The following ZNF165 variants were observed in gnomAD, a reference collection of about 807,000 sequenced individuals.
ZNF165 encodes zinc finger protein 165, also known as cancer/testis antigen 53.
A neutral mutation model predicts 19.6 loss-of-function variants in ZNF165; 14 were observed. That is an observed-to-expected ratio of 0.71 (90% CI 0.47 to 1.12). The LOEUF (loss-of-function observed/expected upper bound fraction) is 1.12. ZNF165 is among the 50% of genes most tolerant of loss of function. The probability of loss-of-function intolerance (pLI) is 0.00; values close to 1 mark genes in which losing one functional copy is unlikely to be tolerated. For missense variants in ZNF165, 504 were observed against 566.3 expected, an observed-to-expected ratio of 0.89 and a Z score of 1.12; for synonymous variants, 165 against 195.0, an observed-to-expected ratio of 0.85 and a Z score of 1.28.
Position 28,088,725 on chromosome 6 carries a change from A to G in ZNF165, c.713A>G (p.Glu238Gly), listed in dbSNP as rs974643552. ...GCAGGCAGGGTAAAGAGACAATGGG[A>G]AAAAGAATCAGGGGAGTCTCAGAGA... ...KSAGRVKRQW[E>G]KESGESQRLS... Residue 238 changes from glutamate to glycine, a missense_variant, in exon 4 of 4, where the codon GAA (glutamate) becomes GGA (glycine). Coordinates refer to ENST00000683778, the MANE Select transcript of ZNF165 (RefSeq NM_001376491.1). 4 of 1,614,164 alleles carry G rather than the reference A, an allele frequency of 2.5e-6. No individual in the cohort carries two copies. The highest frequency in any genetic ancestry group is 3.4e-6 in the Non-Finnish European group (4 of 1,180,016).
intron 3 of ZNF165, 93 bp downstream of exon 3, chr6:28,086,403 C>A (rs1764277116): frequency 1.3e-6 from 2 of 1,493,800 alleles, no homozygotes; most frequent in African/African-American, 2.8e-5. Context: ...GTAGATGGTC[C>A]TTTCCTTTAT....
chr6:28,085,502 G>T lies in ZNF165; in HGVS notation c.22G>T (p.Ala8Ser). MATEPKKAAAQNSPEDEG... is the reference protein window; with the variant it reads MATEPKKSAAQNSPEDEG... Reference sequence around the variant, plus strand: ...ACAGATGGCTACAGAACCAAAGAAAGCTGCAGCCCAGAACTCTCCAGAGGA... The same window carrying T: ...ACAGATGGCTACAGAACCAAAGAAATCTGCAGCCCAGAACTCTCCAGAGGA... Residue 8 changes from alanine to serine, a missense_variant, in exon 2 of 4, where the codon GCT (alanine) becomes TCT (serine). Physicochemically the swap from Ala to Ser is moderately conservative, Grantham distance 99 (BLOSUM62 1). Transcript: ENST00000683778. 1 of 1,611,884 alleles carries T rather than the reference G, an allele frequency of 6.2e-7. No individual in the cohort carries two copies. Among genetic ancestry groups the T allele is most frequent in the South Asian group, 1.1e-5 (1 of 90,824 alleles).
intron 1 of ZNF165, among the ~76,000 whole-genome samples, chr6:28,083,256 C>T (rs1232345826): frequency 6.6e-6 from 1 of 152,182 alleles, no homozygotes; most frequent in Non-Finnish European, 1.5e-5. Context: ...ATGTTAAATA[C>T]AGTGAGTTCT....
At chr6:28,086,335 G>A in intron 3 of ZNF165, 25 bp downstream of exon 3, 2 of 1,595,568 alleles carry the variant, frequency 1.3e-6, no homozygotes, top group African/African-American at 1.4e-5. Flanking sequence ...GCCATATAGT[G>A]CACATCACTA....
Sources: gnomAD v4.1 joint callset for allele counts (sites outside exome capture counted in the v4.1 genomes callset) on GRCh38, gnomAD v4.1.1 for gene constraint, MANE v1.5 for transcripts, NCBI Gene and HGNC (gene_info 2026-07-23, HGNC 2026-07-21) for gene names.